Variants in CSMD1 observed in about 807,000 individuals in gnomAD.
CSMD1 encodes the protein CUB and Sushi multiple domains 1.
Under a neutral mutation model 417.5 loss-of-function variants are expected in CSMD1, and 213 were observed. The observed-to-expected ratio is 0.51, with a 90% CI of 0.46 to 0.57. The LOEUF (loss-of-function observed/expected upper bound fraction) is 0.57. Among genes scored for constraint, CSMD1 ranks in the 20% least tolerant of loss-of-function variants. The pLI is 0.00. For missense variants in CSMD1, 6,923 were observed against 4,529.7 expected (o/e 1.53, Z -15.17); for synonymous variants, 2,862 against 1,736.8 (o/e 1.65, Z -16.11).
chr8:3,307,292 G>T (rs937239205), intron 25 of CSMD1, among the ~76,000 whole-genome samples: 1 of 151,536 alleles, frequency 6.6e-6, no homozygotes, highest in East Asian at 1.9e-4. Context: ...GGTGTGCAGG[G>T]GCTCCTGCTT....
At chr8:3,674,537 A>G (rs1799270053) in intron 7 of CSMD1, among the ~76,000 whole-genome samples, 1 of 152,178 alleles carries the variant, frequency 6.6e-6, no homozygotes, top group Admixed American at 6.5e-5. Context: ...TAACAATATT[A>G]TTAATTAAAT....
intron 63 of CSMD1, 27 bp from the exon 64 acceptor site, chr8:2,955,795 A>G (rs147003235): frequency 6.2e-7 from 1 of 1,603,772 alleles, no homozygotes; most frequent in African/African-American, 1.3e-5. Context: ...AAACATTGAG[A>G]CTTTGTTTAT....
intron 49 of CSMD1, among the ~76,000 whole-genome samples, chr8:3,077,155 C>A (rs1813742312): frequency 6.6e-6 from 1 of 152,204 alleles, no homozygotes; most frequent in South Asian, 2.1e-4. Context: ...CCTGCCAAAT[C>A]AGAATCGTGC....
chr8:4,582,984 G>A (rs545401452), intron 2 of CSMD1, among the ~76,000 whole-genome samples: 15 of 152,314 alleles, frequency 9.8e-5, no homozygotes, highest in East Asian at 5.8e-4. Context: ...CAGTGGCTGC[G>A]GACGGTGTAC....
intron 6 of CSMD1, among the ~76,000 whole-genome samples, chr8:3,713,123 G>A (rs1394377188): frequency 6.6e-6 from 1 of 151,992 alleles, no homozygotes; most frequent in Non-Finnish European, 1.5e-5. Context: ...ATAAATTATG[G>A]GGGAAATATT....
chr8:4,177,397 A>C (rs1476774753), intron 3 of CSMD1, among the ~76,000 whole-genome samples: 1 of 152,100 alleles, frequency 6.6e-6, no homozygotes, highest in Non-Finnish European at 1.5e-5. Context: ...ACAAAGACAC[A>C]ACATACCAGA....
chr8:4,946,094 C>T (rs1211596294), intron 1 of CSMD1, among the ~76,000 whole-genome samples: 2 of 152,118 alleles, frequency 1.3e-5, no homozygotes, highest in Non-Finnish European at 2.9e-5. Flanking sequence ...CTTGCACACC[C>T]AGCTGTCTCT....
At position 3,263,451 on chromosome 8, in the gene CSMD1, T is replaced by C. The variant is rs1024400471; in HGVS notation, c.4153+20693A>G. Reference sequence around the variant, plus strand: ...TCTAATTCCCCTATGTATATATGGATACATTGGGTCTTTGTTTATCTCAGA... The same window carrying C: ...TCTAATTCCCCTATGTATATATGGACACATTGGGTCTTTGTTTATCTCAGA... On this transcript the variant is annotated intron_variant, in intron 26 of 69. Coordinates refer to ENST00000635120, the MANE Select transcript of CSMD1 (RefSeq NM_033225.6). 2.6e-5 allele frequency among the ~76,000 whole-genome samples: 4 copies of C among 152,166 alleles called. No individual in the cohort carries two copies. The East Asian group carries it at 7.7e-4, about 29-fold the overall frequency.
rs537481547 is a variant in CSMD1, at chr8:4,912,665, G to C, written c.85+81667C>G. On this transcript the variant is annotated intron_variant, in intron 1 of 69. Transcript: ENST00000635120. ...TGTGACATGTAGGTCAGGAACCAAAGAGTTTAGCACTTTCATTTATTTCTG... is the reference window on the plus strand; with the variant it reads ...TGTGACATGTAGGTCAGGAACCAAACAGTTTAGCACTTTCATTTATTTCTG... Among the ~76,000 whole-genome samples the C allele has an allele frequency of 3.7e-4, 57 of 152,308 alleles. 1 individual carries two copies. The highest frequency in any genetic ancestry group is 1.2e-3 in the African/African-American group (51 of 41,570).
At chr8:4,684,529 A>G (rs1256923263) in intron 1 of CSMD1, among the ~76,000 whole-genome samples, 2 of 152,196 alleles carry the variant, frequency 1.3e-5, no homozygotes, top group African/African-American at 2.4e-5. Flanking sequence ...CTGTTTTCAA[A>G]AAAACATAGA....
At chr8:4,297,196 T>G (rs570492423) in intron 3 of CSMD1, among the ~76,000 whole-genome samples, 19 of 152,144 alleles carry the variant, frequency 1.2e-4, no homozygotes, top group Non-Finnish European at 2.1e-4. Context: ...GAAATGTATT[T>G]TTTTAAATCC....
chr8:3,514,891 T>C (rs892729058), intron 10 of CSMD1, among the ~76,000 whole-genome samples: 4 of 152,186 alleles, frequency 2.6e-5, no homozygotes, highest in African/African-American at 9.6e-5. Flanking sequence ...AAATAAATTT[T>C]ATTATTGTTT....
rs76540366 is a variant in CSMD1, at chr8:4,182,842, T to C, written c.416-150743A>G. On this transcript the variant is annotated intron_variant, in intron 3 of 69. Transcript: ENST00000635120. ...GCAATTATAAGGGTCATTCTAATTA[T>C]TGAGACAGAAATTAATAGCATCAAA... Among the ~76,000 whole-genome samples, 500 of 152,320 alleles carry C rather than the reference T, an allele frequency of 3.3e-3. 4 individuals carry two copies. The highest frequency in any genetic ancestry group is 0.011 in the African/African-American group (449 of 41,568).
chr8:3,171,956 G>T (rs893538859), intron 37 of CSMD1, among the ~76,000 whole-genome samples: 1 of 152,102 alleles, frequency 6.6e-6, no homozygotes, highest in Admixed American at 6.5e-5. Flanking sequence ...CCTTTCTGTA[G>T]CATGCTTCTG....
chr8:3,959,891 C>T (rs1365693048), intron 5 of CSMD1, among the ~76,000 whole-genome samples: 1 of 152,132 alleles, frequency 6.6e-6, no homozygotes, highest in Admixed American at 6.5e-5. Context: ...GCCTTCATTC[C>T]TTTTATTATT....
At chr8:3,124,437 G>T (rs892058830) in intron 41 of CSMD1, among the ~76,000 whole-genome samples, 73 of 152,178 alleles carry the variant, frequency 4.8e-4, no homozygotes, top group African/African-American at 1.5e-3. Flanking sequence ...TTTTGTTGAA[G>T]AAATGACGTT....
At chr8:3,208,156 G>A (rs1323288551) in intron 30 of CSMD1, among the ~76,000 whole-genome samples, 1 of 152,124 alleles carries the variant, frequency 6.6e-6, no homozygotes, top group African/African-American at 2.4e-5. Context: ...TTTTGCAAAT[G>A]ATCTTTTTCC....
intron 2 of CSMD1, among the ~76,000 whole-genome samples, chr8:4,555,189 T>C (rs1360360427): frequency 6.6e-6 from 1 of 152,102 alleles, no homozygotes; most frequent in Non-Finnish European, 1.5e-5. Flanking sequence ...AGATGGCAGA[T>C]TGGTAGGAAT....
chr8:3,682,100 C>T (rs2117612651), intron 7 of CSMD1, among the ~76,000 whole-genome samples: 1 of 152,162 alleles, frequency 6.6e-6, no homozygotes, highest in African/African-American at 2.4e-5. Flanking sequence ...AGAAGAAAAC[C>T]TAGGCAATAC....
Sources: allele counts gnomAD v4.1 joint callset (sites outside exome capture counted in the v4.1 genomes callset), GRCh38; gene constraint gnomAD v4.1.1; transcripts MANE v1.5; gene names NCBI Gene and HGNC (gene_info 2026-07-23, HGNC 2026-07-21).